The following ESRRG variants were observed in gnomAD, a reference collection of about 807,000 sequenced individuals.
ESRRG encodes estrogen related receptor gamma.
A neutral mutation model predicts 44.0 loss-of-function variants in ESRRG; 13 were observed. That is an observed-to-expected ratio of 0.30 (90% CI 0.19 to 0.47). The LOEUF is 0.47. Ranked by LOEUF, ESRRG falls within the 20% of genes least tolerant of loss-of-function variation. The pLI is 1.00. For missense variants in ESRRG, 395 were observed against 580.6 expected, an observed-to-expected ratio of 0.68 and a Z score of 3.29; for synonymous variants, 215 against 214.6, an observed-to-expected ratio of 1.00 and a Z score of -0.02.
chr1:216,865,217 A>AAAAAAAAAAAAAAC (rs2096130962), intron 2 of ESRRG: 1 of 142,788 alleles, frequency 7.0e-6, no homozygotes, highest in African/African-American at 2.6e-5. Context: ...AAAAAAAAAA[A>AAAAAAAAAAAAAAC]ATTACCACAA....
chr1:216,568,222 G>T (rs545369875), intron 3 of ESRRG, 124 bp from the exon 4 acceptor site: 4 of 693,784 alleles, frequency 5.8e-6, no homozygotes, highest in South Asian at 3.3e-5. Flanking sequence ...ATGGACCAGG[G>T]GTACTCAAAT....
intron 1 of ESRRG, among the ~76,000 whole-genome samples, chr1:217,087,427 ACT>A (rs2092145060): frequency 6.6e-6 from 1 of 152,286 alleles, no homozygotes; most frequent in Admixed American, 6.5e-5. Context: ...GGAACATGGT[ACT>A]CTCTTGGTAA....
chr1:216,892,997 A>T (rs994461242), intron 2 of ESRRG, among the ~76,000 whole-genome samples: 1 of 152,086 alleles, frequency 6.6e-6, no homozygotes, highest in African/African-American at 2.4e-5. Context: ...ATAAAGTCCA[A>T]ATTCCTTAGC....
intron 2 of ESRRG, among the ~76,000 whole-genome samples, chr1:216,762,339 A>C (rs2092824573): frequency 6.6e-6 from 1 of 152,094 alleles, no homozygotes; most frequent in African/African-American, 2.4e-5. Flanking sequence ...GATTAAGAAA[A>C]TGTGGCGCAT....
chr1:216,634,132 C>G (rs756979284), intron 3 of ESRRG, among the ~76,000 whole-genome samples: 1 of 152,164 alleles, frequency 6.6e-6, no homozygotes, highest in Non-Finnish European at 1.5e-5. Context: ...TCCTTTTCCA[C>G]GCTCAGCCCA....
intron 2 of ESRRG, among the ~76,000 whole-genome samples, chr1:216,852,864 CTGTCT>C: frequency 4.2e-5 from 2 of 47,194 alleles, no homozygotes; most frequent in Non-Finnish European, 8.1e-5. Flanking sequence ...AATTGTTTGA[CTGTCT>C]CTGTCTTGAA....
intron 1 of ESRRG, among the ~76,000 whole-genome samples, chr1:216,942,822 A>G (rs925431188): frequency 2.0e-5 from 3 of 152,006 alleles, no homozygotes; most frequent in Non-Finnish European, 4.4e-5. Context: ...AGTCCTTTGT[A>G]GTATGCATAG....
chr1:216,720,918 AAC>A (rs1261164849), intron 1 of ESRRG, among the ~76,000 whole-genome samples: 3 of 152,208 alleles, frequency 2.0e-5, no homozygotes, highest in African/African-American at 4.8e-5. Context: ...CAACTGTTAA[AAC>A]AGTCAGTAAA....
At chr1:216,512,109 T>C (rs12080785) in intron 6 of ESRRG, among the ~76,000 whole-genome samples, 7,548 of 152,238 alleles carry the variant, frequency 0.05, 563 homozygotes, top group African/African-American at 0.16. Context: ...CAAATCACTG[T>C]TTTTCAGCCC....
At chr1:216,721,417 T>G (rs929627861) in intron 1 of ESRRG, among the ~76,000 whole-genome samples, 13 of 152,198 alleles carry the variant, frequency 8.5e-5, no homozygotes, top group Non-Finnish European at 2.9e-5. Flanking sequence ...TAGCGTTAGA[T>G]CTTTCTGTCT....
At chr1:216,772,336 G>T (rs2093417707) in intron 2 of ESRRG, among the ~76,000 whole-genome samples, 1 of 152,192 alleles carries the variant, frequency 6.6e-6, no homozygotes, top group African/African-American at 2.4e-5. Context: ...AAAGAACTCT[G>T]CTCTCTCTTT....
At chr1:216,890,193 A>C (rs2149391291) in intron 2 of ESRRG, among the ~76,000 whole-genome samples, 1 of 152,288 alleles carries the variant, frequency 6.6e-6, no homozygotes. Flanking sequence ...TGTGCCCAGA[A>C]GGTTGAGGCT....
chr1:216,804,458 A>T (rs2094722213), intron 2 of ESRRG, among the ~76,000 whole-genome samples: 1 of 152,128 alleles, frequency 6.6e-6, no homozygotes, highest in South Asian at 2.1e-4. Context: ...AGGGGCTTCA[A>T]TCTTGGTACT....
chr1:216,758,294 G>A (rs764790868), intron 2 of ESRRG, among the ~76,000 whole-genome samples: 2 of 152,096 alleles, frequency 1.3e-5, no homozygotes, highest in South Asian at 2.1e-4. Flanking sequence ...AAGGGCCTCC[G>A]TCTGTTTAAT....
chr1:216,506,582 G>A lies in ESRRG; in HGVS notation c.*357C>T, dbSNP rs973254299. 8.6e-6 allele frequency: 4 copies of A among 466,196 alleles called. 1 individual carries two copies. 28.9% of individuals were successfully genotyped at this position (466,196 alleles called of 1,614,324 possible). A position where few individuals can be genotyped will look rare whatever the true frequency, so the allele number is the denominator to read the frequency against. On this transcript the variant is annotated 3_prime_UTR_variant, in exon 7 of 7. Coordinates refer to ENST00000408911, the MANE Select transcript of ESRRG (RefSeq NM_001438.4). Reference sequence around the variant, plus strand: ...GGGAAGGATGAGAAAAGAGAGGAATGAGAGTAGGTAAAGAAAAGAAAGAAG... The same window carrying A: ...GGGAAGGATGAGAAAAGAGAGGAATAAGAGTAGGTAAAGAAAAGAAAGAAG...
At position 216,824,566 on chromosome 1, in the gene ESRRG, T is replaced by TA. The variant is rs200455587; in HGVS notation, c.-14+115015dup. On this transcript the variant is annotated intron_variant, in intron 2 of 7. Transcript: ENST00000359162. ...TCTTAGGCACAGATCCTGCAGGGAA[T>TA]AGCTTTTGAAATTCTCCAACATACT... Among the ~76,000 whole-genome samples, 1,039 of 152,072 alleles carry TA rather than the reference T, an allele frequency of 6.8e-3. 4 individuals carry two copies. Among genetic ancestry groups the TA allele is most frequent in the Non-Finnish European group, 9.4e-3 (640 of 68,008 alleles).
intron 1 of ESRRG, among the ~76,000 whole-genome samples, chr1:216,940,756 TC>T (rs2065085998): frequency 6.6e-6 from 1 of 152,158 alleles, no homozygotes; most frequent in Non-Finnish European, 1.5e-5. Flanking sequence ...CTGATAGCTT[TC>T]CCGCTTTCTT....
At chr1:216,708,211 T>C (rs551362527) in intron 1 of ESRRG, among the ~76,000 whole-genome samples, 1 of 151,576 alleles carries the variant, frequency 6.6e-6, no homozygotes, top group East Asian at 2.0e-4. Flanking sequence ...AAAAAAGCCA[T>C]TTAAAAAAAT....
At position 216,897,175 on chromosome 1, in the gene ESRRG, T is replaced by G. The variant is rs6690156; in HGVS notation, c.-14+42407A>C. On this transcript the variant is annotated intron_variant, in intron 2 of 7. Coordinates refer to the ESRRG transcript ENST00000359162. ...AAATGAATGAGGAGGAAAGAAAATG[T>G]ACAAATGAGAAGGACCCAGTGGATT... Among the ~76,000 whole-genome samples the G allele has an allele frequency of 3.9e-5, 6 of 152,298 alleles. No homozygotes were observed. The South Asian group carries it at 1.2e-3, about 32-fold the overall frequency.
Sources: allele counts gnomAD v4.1 joint callset (sites outside exome capture counted in the v4.1 genomes callset), GRCh38; gene constraint gnomAD v4.1.1; transcripts MANE v1.5; gene names NCBI Gene and HGNC (gene_info 2026-07-23, HGNC 2026-07-21).